The following TUFT1 variants were observed in gnomAD, a reference collection of about 807,000 sequenced individuals.
TUFT1 encodes tuftelin 1.
Under a neutral mutation model 57.8 loss-of-function variants are expected in TUFT1, and 43 were observed. That is an observed-to-expected ratio of 0.74 (90% CI 0.58 to 0.96). TUFT1 has a LOEUF of 0.96. Ranked by LOEUF, TUFT1 falls within the 40% of genes least tolerant of loss-of-function variation. The probability of loss-of-function intolerance (pLI) is 0.00; values close to 1 mark genes in which losing one functional copy is unlikely to be tolerated. For synonymous variants in TUFT1, 166 were observed against 176.7 expected, an observed-to-expected ratio of 0.94 and a Z score of 0.48; for missense variants, 459 against 489.0, an observed-to-expected ratio of 0.94 and a Z score of 0.58.
intron 7 of TUFT1, among the ~76,000 whole-genome samples, chr1:151,570,949 T>C (rs1417841269): frequency 2.0e-5 from 3 of 152,120 alleles, no homozygotes; most frequent in Non-Finnish European, 2.9e-5. Flanking sequence ...TCAAGCAGTC[T>C]GCGTGCCTTA....
In TUFT1 at chr1:151,543,327, A is replaced by ATGTGTGTGTG. The variant is rs10626781; in HGVS notation, c.60+2925_60+2934dup. On this transcript the variant is annotated intron_variant, in intron 1 of 12. Transcript: ENST00000368849. ...GAACTTTTATTTCAGTTATATATAT[A>ATGTGTGTGTG]TGTGTGTGTGTGTGTGTGTGTGTGT... Among the ~76,000 whole-genome samples, 116 of 146,852 alleles carry ATGTGTGTGTG rather than the reference A, an allele frequency of 7.9e-4. 1 individual carries two copies. The highest frequency in any genetic ancestry group is 2.5e-3 in the African/African-American group (101 of 39,736).
chr1:151,555,291 T>C (rs1665653919), intron 1 of TUFT1, among the ~76,000 whole-genome samples: 1 of 149,420 alleles, frequency 6.7e-6, no homozygotes, highest in South Asian at 2.1e-4. Context: ...ATTGTGCCAT[T>C]GCATTCCAGC....
chr1:151,544,821 T>C (rs1197898552), intron 1 of TUFT1, among the ~76,000 whole-genome samples: 1 of 152,220 alleles, frequency 6.6e-6, no homozygotes, highest in African/African-American at 2.4e-5. Context: ...TTTACCTCCA[T>C]GTTTCTAAAT....
At position 151,564,525 on chromosome 1, in the gene TUFT1, G is replaced by T; in HGVS notation, c.325G>T (p.Ala109Ser). Residue 109 changes from alanine (A) to serine (S), a missense_variant and splice_region_variant, in exon 5 of 13, where the codon GCC becomes TCC. Transcript: ENST00000368849. ...LKSEVQYIQE[A>S]RNCLQKLRED... ...CAAGTTTCTTCCCCTCCCCTCCCAG[G>T]CCAGGAACTGCCTACAGAAGCTCCG... 1 of 1,613,660 alleles carries T rather than the reference G, an allele frequency of 6.2e-7. No homozygotes were observed. The highest frequency in any genetic ancestry group is 8.5e-7 in the Non-Finnish European group (1 of 1,179,704).
chr1:151,572,316 T>C (rs1041114017), intron 7 of TUFT1, among the ~76,000 whole-genome samples: 1 of 152,140 alleles, frequency 6.6e-6, no homozygotes, highest in African/African-American at 2.4e-5. Flanking sequence ...GAGGTTCCCT[T>C]GCGGGCAGGG....
At position 151,569,647 on chromosome 1, in the gene TUFT1, C is replaced by T; in HGVS notation, c.481-10C>T. On this transcript the variant is annotated splice_polypyrimidine_tract_variant and intron_variant, in intron 6 of 12. Transcript: ENST00000368849. ...AGGGCTTCCCCTTCCCTTCCTTGTT[C>T]TGGCTGTAGGTGGACACCTGTATAA... The T allele has an allele frequency of 1.9e-6, 3 of 1,610,918 alleles. No individual in the cohort carries two copies. Among genetic ancestry groups the T allele is most frequent in the Non-Finnish European group, 2.5e-6 (3 of 1,177,548 alleles).
chr1:151,576,575 T>C (rs1442883369), intron 9 of TUFT1, among the ~76,000 whole-genome samples: 2 of 152,150 alleles, frequency 1.3e-5, no homozygotes, highest in Non-Finnish European at 2.9e-5. Context: ...TCTTTTCAGG[T>C]TTGTTAACTT....
At chr1:151,573,751 AAAT>A (rs558647133) in intron 7 of TUFT1, among the ~76,000 whole-genome samples, 1 of 152,168 alleles carries the variant, frequency 6.6e-6, no homozygotes, top group Non-Finnish European at 1.5e-5. Flanking sequence ...TCTCAAAAAA[AAAT>A]AATAATAATA....
chr1:151,575,071 C>A, intron 9 of TUFT1, 66 bp downstream of exon 9: 1 of 1,386,744 alleles, frequency 7.2e-7, no homozygotes, highest in Non-Finnish European at 1.0e-6. Flanking sequence ...GCCATACAGC[C>A]TGTTGCTCCT....
intron 9 of TUFT1, among the ~76,000 whole-genome samples, chr1:151,576,713 A>G (rs1349138157): frequency 3.9e-5 from 6 of 151,962 alleles, no homozygotes; most frequent in African/African-American, 1.5e-4. Flanking sequence ...GCTCACTGCA[A>G]CCTCCGCCTC....
intron 2 of TUFT1, 92 bp from the exon 3 acceptor site, chr1:151,562,493 T>C: frequency 9.1e-7 from 1 of 1,101,714 alleles, no homozygotes; most frequent in Non-Finnish European, 1.3e-6. Flanking sequence ...ACAGGTCTTC[T>C]GCATTAGCTG....
Position 151,540,391 on chromosome 1 carries a change from A to G in TUFT1, c.25A>G (p.Thr9Ala), listed in dbSNP as rs763419762. The G allele has an allele frequency of 3.7e-6, 6 of 1,614,020 alleles. No individual in the cohort carries two copies. Among genetic ancestry groups the G allele is most frequent in the Non-Finnish European group, 5.1e-6 (6 of 1,180,002 alleles). The change falls in exon 1 of 13, where the codon ACC (threonine) becomes GCC (alanine). Residue 9 changes from threonine (T) to alanine (A), a missense_variant. Coordinates refer to ENST00000368849, the MANE Select transcript of TUFT1 (RefSeq NM_020127.3). MNGTRNWC[T>A]LVDVHPEDQA... The stretch of plus-strand genomic sequence containing the variant: ...GATGAACGGGACGCGGAACTGGTGT[A>G]CCCTGGTGGACGTGCACCCAGAGGA...
chr1:151,566,396 C>T (rs570877875), intron 6 of TUFT1, among the ~76,000 whole-genome samples, 168 bp downstream of exon 6: 1 of 152,298 alleles, frequency 6.6e-6, no homozygotes, highest in South Asian at 2.1e-4. Flanking sequence ...TAGAAATTCT[C>T]CTTCCCCAAT....
chr1:151,561,921 TC>T lies in TUFT1; in HGVS notation c.61-169del, dbSNP rs368885582. 4.2e-4 allele frequency: 634 copies of T among 1,512,654 alleles called. 5 individuals are homozygous for T. In the East Asian group the frequency reaches 0.01, roughly 25 times the overall value. 93.7% of individuals were successfully genotyped at this position (1,512,654 alleles called of 1,614,324 possible). On this transcript the variant is annotated intron_variant, in intron 1 of 12. Coordinates refer to ENST00000368849, the MANE Select transcript of TUFT1 (RefSeq NM_020127.3). ...CAGAGTCACCACCCCAAACACCTGA[TC>T]TTGGGCAAGGTAATGCTGCCTCCCT...
At chr1:151,561,072 C>T (rs985292711) in intron 1 of TUFT1, among the ~76,000 whole-genome samples, 5 of 151,662 alleles carry the variant, frequency 3.3e-5, no homozygotes, top group Admixed American at 2.0e-4. Context: ...TGGCTCACTA[C>T]AAGCTCCGCC....
At chr1:151,565,240 G>A (rs764457609) in intron 5 of TUFT1, among the ~76,000 whole-genome samples, 8 of 152,230 alleles carry the variant, frequency 5.3e-5, no homozygotes, top group Non-Finnish European at 1.0e-4. Context: ...TCCTGGGAGG[G>A]ATAATCCTGG....
rs1665128224 is a variant in TUFT1, at chr1:151,540,539, G to A, written c.60+113G>A. 3.3e-6 allele frequency: 4 copies of A among 1,223,204 alleles called. No homozygotes were observed. In the Admixed American group the frequency reaches 5.7e-5, roughly 17 times the overall value. The allele number at this position is 1,223,204 out of a possible 1,614,324, so 75.8% of individuals were successfully genotyped here. Reference sequence around the variant, plus strand: ...ACATCACCTGGTGCCCGGCTCGCGCGGTCAGCCCTGCGCGGCGCTTCTCTC... The same window carrying A: ...ACATCACCTGGTGCCCGGCTCGCGCAGTCAGCCCTGCGCGGCGCTTCTCTC... On this transcript the variant is annotated intron_variant, in intron 1 of 12. Coordinates refer to ENST00000368849, the MANE Select transcript of TUFT1 (RefSeq NM_020127.3).
At position 151,583,234 on chromosome 1, in the gene TUFT1, C is replaced by G. The variant is rs987416320; in HGVS notation, c.*1527C>G. 1 of 152,112 alleles carries G rather than the reference C, an allele frequency of 6.6e-6. No individual in the cohort carries two copies. The highest frequency in any genetic ancestry group is 1.5e-5 in the Non-Finnish European group (1 of 68,040). The allele number at this position is 152,112 out of a possible 1,614,324, so 9.4% of individuals were successfully genotyped here. A position where few individuals can be genotyped will look rare whatever the true frequency, so the allele number is the denominator to read the frequency against. The stretch of plus-strand genomic sequence containing the variant: ...TAGGCTTGAGCTACTGCGCCCGGCC[C>G]ATGGTGTTTTTCTTTAGGGCTCTTC... On this transcript the variant is annotated 3_prime_UTR_variant, in exon 13 of 13. Coordinates refer to ENST00000368849, the MANE Select transcript of TUFT1 (RefSeq NM_020127.3).
chr1:151,577,742 A>G (rs1246930015), intron 9 of TUFT1, among the ~76,000 whole-genome samples: 4 of 152,054 alleles, frequency 2.6e-5, no homozygotes, highest in South Asian at 4.1e-4. Context: ...CCCAGCTCCA[A>G]CTGGGCATGG....
Sources: gnomAD v4.1 joint callset for allele counts (sites outside exome capture counted in the v4.1 genomes callset) on GRCh38, gnomAD v4.1.1 for gene constraint, MANE v1.5 for transcripts, NCBI Gene and HGNC (gene_info 2026-07-23, HGNC 2026-07-21) for gene names.